The following SNX32 variants were observed in gnomAD, a reference collection of about 807,000 sequenced individuals.
SNX32 encodes the protein sorting nexin 32.
A neutral mutation model predicts 57.0 loss-of-function variants in SNX32; 58 were observed. The observed-to-expected ratio is 1.02, with a 90% CI of 0.82 to 1.27. SNX32 has a LOEUF of 1.27. SNX32 is among the 50% of genes most tolerant of loss of function. The pLI, the probability that SNX32 is intolerant of heterozygous loss-of-function variation, is 0.00. For synonymous variants in SNX32, 262 were observed against 220.4 expected (o/e 1.19, Z -1.67); for missense variants, 589 against 541.2 (o/e 1.09, Z -0.88).
chr11:65,851,168 G>A lies in SNX32; in HGVS notation c.709+8G>A. The A allele has an allele frequency of 1.2e-6, 2 of 1,611,410 alleles. No homozygotes were observed. Among genetic ancestry groups the A allele is most frequent in the South Asian group, 1.1e-5 (1 of 91,068 alleles). ...TCATGCGCGCCCACAAGTGTACGCA[G>A]GGCCCAAGGGGTCCTGGATCCCCCT... On this transcript the variant is annotated splice_region_variant and intron_variant, in intron 7 of 12. Transcript: ENST00000308342.
intron 1 of SNX32, among the ~76,000 whole-genome samples, chr11:65,835,843 G>C (rs1858655552): frequency 6.6e-6 from 1 of 152,118 alleles, no homozygotes; most frequent in Non-Finnish European, 1.5e-5. Context: ...GTGGTTTAGA[G>C]GGGCAAGAGG....
chr11:65,847,778 C>T (rs1396754016), intron 1 of SNX32, among the ~76,000 whole-genome samples: 11 of 152,074 alleles, frequency 7.2e-5, no homozygotes, highest in Middle Eastern at 3.4e-3. Context: ...GGAGTGGTGG[C>T]GTGTGCCTGT....
rs1402202539 is a variant in SNX32, at chr11:65,850,506, C to G, written c.450C>G (p.Thr150=). The change falls in exon 5 of 13, where the codon ACC becomes ACG. Residue 150 remains threonine, a synonymous_variant. Transcript: ENST00000308342. ...VFLQRLAAHP[T]LRRDHNFFVF... is the part of the protein sequence containing the mutation. ...TGCAGCGCCTGGCGGCCCACCCCAC[C>G]CTGCGTCGAGACCACAACTTCTTTG... is the stretch of plus-strand genomic sequence containing the variant. 8.7e-6 allele frequency: 14 copies of G among 1,613,778 alleles called. No homozygotes were observed. Among genetic ancestry groups the G allele is most frequent in the Non-Finnish European group, 1.1e-5 (13 of 1,179,882 alleles).
chr11:65,848,040 G>C (rs912272882), intron 1 of SNX32, among the ~76,000 whole-genome samples: 1 of 152,184 alleles, frequency 6.6e-6, no homozygotes, highest in African/African-American at 2.4e-5. Flanking sequence ...CCAGGGAGGA[G>C]ACATCACTAC....
chr11:65,853,264 C>A lies in SNX32; in HGVS notation c.1159-18C>A. 1 of 1,614,014 alleles carries A rather than the reference C, an allele frequency of 6.2e-7. No homozygotes were observed. The highest frequency in any genetic ancestry group is 8.5e-7 in the Non-Finnish European group (1 of 1,179,958). Reference sequence around the variant, plus strand: ...CTCAGGGAGCAGGGGACTTCAAGGACCTGTTTCTCCTCTGCAGGCCAGCAC... The same window carrying A: ...CTCAGGGAGCAGGGGACTTCAAGGAACTGTTTCTCCTCTGCAGGCCAGCAC... On this transcript the variant is annotated intron_variant, in intron 12 of 12. Coordinates refer to ENST00000308342, the MANE Select transcript of SNX32 (RefSeq NM_152760.3).
rs148133049 is a variant in SNX32 at position 65,848,463 on chromosome 11, G to A, written c.37-1015G>A. Among the ~76,000 whole-genome samples, 664 of 151,784 alleles carry A rather than the reference G, an allele frequency of 4.4e-3. 24 individuals carry two copies. In the East Asian group the frequency reaches 0.1, roughly 23 times the overall value. On this transcript the variant is annotated intron_variant, in intron 1 of 12. Coordinates refer to ENST00000308342, the MANE Select transcript of SNX32 (RefSeq NM_152760.3). ...TACATGCCTGTAGTCCCAGCTACCC[G>A]GGAGGCTAAGGCAGGAGGATCACTT...
intron 1 of SNX32, among the ~76,000 whole-genome samples, chr11:65,844,733 G>A (rs1858940312): frequency 1.3e-5 from 2 of 152,042 alleles, no homozygotes; most frequent in Admixed American, 6.6e-5. Context: ...TTGGGAGGCC[G>A]AAGCGGGCAG....
In SNX32 at chr11:65,850,911, G is replaced by A. The variant is rs908908797; in HGVS notation, c.603+56G>A. On this transcript the variant is annotated intron_variant, in intron 6 of 12. Coordinates refer to ENST00000308342, the MANE Select transcript of SNX32 (RefSeq NM_152760.3). ...CCCAGCACCTCAAGTCCACAGCACA[G>A]ATTGAGGCCCAGGCTGGGTGTGGGA... 10 of 1,551,962 alleles carry A rather than the reference G, an allele frequency of 6.4e-6. No individual in the cohort carries two copies. In the Admixed American group the frequency reaches 6.8e-5, roughly 11 times the overall value.
At chr11:65,851,519 T>C in intron 8 of SNX32, 116 bp downstream of exon 8, 1 of 1,506,572 alleles carries the variant, frequency 6.6e-7, no homozygotes, top group South Asian at 1.1e-5. Context: ...TAGGCTCTCC[T>C]GTTGGGGGAT....
At chr11:65,843,477 G>A (rs1005434353) in intron 1 of SNX32, among the ~76,000 whole-genome samples, 1 of 151,886 alleles carries the variant, frequency 6.6e-6, no homozygotes. Flanking sequence ...GCTGAGGCAG[G>A]AGAATCACGA....
Position 65,853,467 on chromosome 11 carries a change from C to A in SNX32, c.*132C>A. 1 of 934,254 alleles carries A rather than the reference C, an allele frequency of 1.1e-6. No individual in the cohort carries two copies. The highest frequency in any genetic ancestry group is 2.0e-5 in the Admixed American group (1 of 50,880). 57.9% of individuals were successfully genotyped at this position (934,254 alleles called of 1,614,324 possible). On this transcript the variant is annotated 3_prime_UTR_variant, in exon 13 of 13. Transcript: ENST00000308342. ...ACACCCTCACTCTGCCCCACATCCT[C>A]TCAGGGAAAGCCCAAACCCCCTATC...
chr11:65,851,747 AG>A, intron 9 of SNX32, 68 bp downstream of exon 9: 1 of 1,541,034 alleles, frequency 6.5e-7, no homozygotes, highest in South Asian at 1.1e-5. Flanking sequence ...GTCCTGGCAG[AG>A]GGAAGAGCTC....
At position 65,834,010 on chromosome 11, in the gene SNX32, G is replaced by C; in HGVS notation, c.-56G>C. 6.5e-7 allele frequency: 1 copy of C among 1,544,016 alleles called. No individual in the cohort carries two copies. Among genetic ancestry groups the C allele is most frequent in the South Asian group, 1.2e-5 (1 of 83,398 alleles). On this transcript the variant is annotated 5_prime_UTR_variant, in exon 1 of 13. Coordinates refer to ENST00000308342, the MANE Select transcript of SNX32 (RefSeq NM_152760.3). ...CGGTCAGTTCCTCGGGCGAGTTACG[G>C]GGACGACCTGCGGGAGCACGCGGGC... is the stretch of plus-strand genomic sequence containing the variant.
Position 65,850,528 on chromosome 11 carries a change from T to C in SNX32, c.472T>C (p.Phe158Leu), listed in dbSNP as rs1456724215. 1.2e-6 allele frequency: 2 copies of C among 1,612,088 alleles called. No individual in the cohort carries two copies. The highest frequency in any genetic ancestry group is 2.2e-5 in the East Asian group (1 of 44,806). Residue 158 changes from phenylalanine (F) to leucine (L), a missense_variant, in exon 5 of 13, where the codon TTT (phenylalanine) becomes CTT (leucine). By Grantham distance (22) the Phe-to-Leu change is conservative. Coordinates refer to ENST00000308342, the MANE Select transcript of SNX32 (RefSeq NM_152760.3). ...CACCCTGCGTCGAGACCACAACTTC[T>C]TTGTGTTTTTGGAATATGGACAGGA... is the stretch of plus-strand genomic sequence containing the variant. ...HPTLRRDHNF[F>L]VFLEYGQDLS... is the part of the protein sequence containing the mutation.
chr11:65,842,030 A>G (rs1858855859), intron 1 of SNX32, among the ~76,000 whole-genome samples: 1 of 152,196 alleles, frequency 6.6e-6, no homozygotes, highest in Non-Finnish European at 1.5e-5. Context: ...CAAGCAGAAT[A>G]TCTGTAGAAA....
intron 1 of SNX32, among the ~76,000 whole-genome samples, chr11:65,834,789 GTC>G (rs1858616151): frequency 1.3e-5 from 2 of 148,446 alleles, no homozygotes; most frequent in Non-Finnish European, 3.0e-5. Context: ...GTGTGTGTGT[GTC>G]TCTGTGTGTG....
In SNX32 at chr11:65,851,231, A is replaced by G. The variant is rs73492497; in HGVS notation, c.709+71A>G. On this transcript the variant is annotated intron_variant, in intron 7 of 12. Transcript: ENST00000308342. ...AGCGGTTCAACTCCTTGGGGGAGAG[A>G]AGAGAGCAGGGCGTGCCTTGTTGTT... is the stretch of plus-strand genomic sequence containing the variant. 4,373 of 1,597,906 alleles carry G rather than the reference A, an allele frequency of 2.7e-3. 119 individuals are homozygous for G. The African/African-American group carries it at 0.052, about 19-fold the overall frequency.
At chr11:65,849,014 C>G (rs1254857038) in intron 1 of SNX32, among the ~76,000 whole-genome samples, 1 of 152,116 alleles carries the variant, frequency 6.6e-6, no homozygotes, top group Non-Finnish European at 1.5e-5. Flanking sequence ...CATGGTGGCT[C>G]ATGCCTGTGG....
Position 65,849,526 on chromosome 11 carries a change from G to C in SNX32, c.85G>C (p.Glu29Gln), listed in dbSNP as rs752335311. 1 of 1,614,182 alleles carries C rather than the reference G, an allele frequency of 6.2e-7. No homozygotes were observed. The highest frequency in any genetic ancestry group is 1.1e-5 in the South Asian group (1 of 91,086). Residue 29 changes from glutamate (E) to glutamine (Q), a missense_variant, in exon 2 of 13, where the codon GAG becomes CAG. Glu to Gln is a conservative substitution (Grantham distance 29). Transcript: ENST00000308342. ...GCAGGGAGACAGCTCCTTACAGGTG[G>C]AGATTTCTGACGCAGTGAGTGAGCG... ...DLQGDSSLQV[E>Q]ISDAVSERDK...
Sources: gnomAD v4.1 joint callset for allele counts (sites outside exome capture counted in the v4.1 genomes callset) on GRCh38, gnomAD v4.1.1 for gene constraint, MANE v1.5 for transcripts, NCBI Gene and HGNC (gene_info 2026-07-23, HGNC 2026-07-21) for gene names.